Variants in ARHGEF33 observed in about 807,000 individuals in gnomAD.
ARHGEF33 encodes Rho guanine nucleotide exchange factor 33, also known as DH and coiled-coil domain-containing protein ENSP00000381780.
A neutral mutation model predicts 101.9 loss-of-function variants in ARHGEF33; 72 were observed. The ratio of observed to expected loss-of-function variants is 0.71; its 90% CI spans 0.58 to 0.86. The LOEUF (loss-of-function observed/expected upper bound fraction) is 0.86. Among genes scored for constraint, ARHGEF33 ranks in the 40% least tolerant of loss-of-function variants. The probability of loss-of-function intolerance (pLI) is 0.00; values close to 1 mark genes in which losing one functional copy is unlikely to be tolerated. For missense variants in ARHGEF33, 1,169 were observed against 1,111.3 expected (o/e 1.05, Z -0.74); for synonymous variants, 499 against 442.5 (o/e 1.13, Z -1.60).
intron 16 of ARHGEF33, among the ~76,000 whole-genome samples, chr2:38,965,598 A>G (rs1356346037): frequency 6.6e-6 from 1 of 152,214 alleles, no homozygotes. Context: ...TAGAAAGAGA[A>G]ACACCTGGAG....
chr2:38,960,246 C>T lies in ARHGEF33; in HGVS notation c.1941C>T (p.Ser647=). The change falls in exon 16 of 18, where the codon TCC becomes TCT. Residue 647 remains serine, a synonymous_variant. Coordinates refer to ENST00000409978, the MANE Select transcript of ARHGEF33 (RefSeq NM_001145451.5). ...TCTTCGAGAACTGCTCGCCTGCCTCCTCCGAGTCCAGCCTGGACATCTGCT... is the reference window on the plus strand; with the variant it reads ...TCTTCGAGAACTGCTCGCCTGCCTCTTCCGAGTCCAGCCTGGACATCTGCT... The part of the protein sequence containing the change: ...PALFENCSPA[S]SESSLDICFL... 2 of 1,548,210 alleles carry T rather than the reference C, an allele frequency of 1.3e-6. No homozygotes were observed. Among genetic ancestry groups the T allele is most frequent in the Non-Finnish European group, 1.7e-6 (2 of 1,146,162 alleles).
rs1667897760 is a variant in ARHGEF33 at position 38,960,483 on chromosome 2, C to T, written c.2178C>T (p.Tyr726=). 2.1e-6 allele frequency: 3 copies of T among 1,408,132 alleles called. No homozygotes were observed. Among genetic ancestry groups the T allele is most frequent in the African/African-American group, 1.5e-5 (1 of 65,894 alleles). 87.2% of individuals were successfully genotyped at this position (1,408,132 alleles called of 1,614,324 possible). A position where few individuals can be genotyped will look rare whatever the true frequency, so the allele number is the denominator to read the frequency against. ...PPADGVAPRL[Y]STRSSSGGRA... ...CCGACGGCGTGGCCCCACGCCTCTA[C>T]AGCACGCGCAGCAGCAGCGGCGGCC... Residue 726 remains tyrosine (Y), a synonymous_variant, in exon 16 of 18, where the codon TAC becomes TAT. Transcript: ENST00000409978.
intron 13 of ARHGEF33, among the ~76,000 whole-genome samples, chr2:38,955,114 C>T (rs1312131055): frequency 6.6e-6 from 1 of 152,186 alleles, no homozygotes; most frequent in Non-Finnish European, 1.5e-5. Context: ...AATGCCACCA[C>T]CTGACATCTA....
chr2:38,937,345 A>G lies in ARHGEF33; in HGVS notation c.576A>G (p.Pro192=). 1 of 943,678 alleles carries G rather than the reference A, an allele frequency of 1.1e-6. No individual in the cohort carries two copies. Among genetic ancestry groups the G allele is most frequent in the Non-Finnish European group, 1.5e-6 (1 of 673,596 alleles). 58.5% of individuals were successfully genotyped at this position (943,678 alleles called of 1,614,324 possible). A position where few individuals can be genotyped will look rare whatever the true frequency, so the allele number is the denominator to read the frequency against. ...VKGMMGPGVN[P]TTPEAEENLK... ...CCCCCACCCCACCAGGAGTGAACCC[A>G]ACAACTCCAGAAGCAGAAGAAAACC... is the stretch of plus-strand genomic sequence containing the variant. The change falls in exon 9 of 18, where the codon CCA becomes CCG. Residue 192 remains proline, a synonymous_variant. Transcript: ENST00000409978.
intron 9 of ARHGEF33, among the ~76,000 whole-genome samples, chr2:38,938,437 T>G (rs1266124643): frequency 2.6e-5 from 4 of 152,092 alleles, no homozygotes; most frequent in Middle Eastern, 3.4e-3. Context: ...TACATGGGAG[T>G]CCAAGGTAGG....
At chr2:38,914,321 G>T (rs1458278070) in intron 2 of ARHGEF33, among the ~76,000 whole-genome samples, 1 of 152,194 alleles carries the variant, frequency 6.6e-6, no homozygotes, top group Non-Finnish European at 1.5e-5. Flanking sequence ...CATCAGTGGA[G>T]AAATGATTAA....
intron 4 of ARHGEF33, among the ~76,000 whole-genome samples, chr2:38,925,966 A>T (rs903089305): frequency 6.6e-6 from 1 of 152,238 alleles, no homozygotes; most frequent in Non-Finnish European, 1.5e-5. Context: ...GAAAAAAAAA[A>T]TTGGAAGACA....
In ARHGEF33 at chr2:38,974,042, T is replaced by C. The variant is rs949416335; in HGVS notation, c.*199T>C. 3.8e-6 allele frequency: 1 copy of C among 263,610 alleles called. No homozygotes were observed. Among genetic ancestry groups the C allele is most frequent in the African/African-American group, 2.3e-5 (1 of 43,752 alleles). The allele number at this position is 263,610 out of a possible 1,614,324, so 16.3% of individuals were successfully genotyped here. A position where few individuals can be genotyped will look rare whatever the true frequency, so the allele number is the denominator to read the frequency against. On this transcript the variant is annotated 3_prime_UTR_variant, in exon 18 of 18. Coordinates refer to ENST00000409978, the MANE Select transcript of ARHGEF33 (RefSeq NM_001145451.5). ...GAAGAGATGAAGATTAGTTTCTGGTTAAGATCTGGCTTTTTGAACCTCAAC... is the reference window on the plus strand; with the variant it reads ...GAAGAGATGAAGATTAGTTTCTGGTCAAGATCTGGCTTTTTGAACCTCAAC...
intron 10 of ARHGEF33, among the ~76,000 whole-genome samples, chr2:38,946,303 T>A (rs988737665): frequency 1.3e-5 from 2 of 152,138 alleles, no homozygotes; most frequent in African/African-American, 4.8e-5. Context: ...AAGGAGTAGA[T>A]CTCTCCCTCA....
intron 16 of ARHGEF33, among the ~76,000 whole-genome samples, chr2:38,962,543 C>T (rs1425628394): frequency 6.6e-6 from 1 of 152,112 alleles, no homozygotes; most frequent in Admixed American, 6.6e-5. Flanking sequence ...AGTTTCATCT[C>T]CTAACAGTGT....
intron 6 of ARHGEF33, among the ~76,000 whole-genome samples, chr2:38,930,749 C>CA (rs1666980387): frequency 6.6e-6 from 1 of 152,182 alleles, no homozygotes; most frequent in East Asian, 1.9e-4. Context: ...CCTGCTGCTT[C>CA]CTGATACTTT....
intron 13 of ARHGEF33, among the ~76,000 whole-genome samples, chr2:38,955,481 C>CTTTTTTTTTTTTTTTTTTTTTTTT (rs3085350): frequency 1.4e-5 from 1 of 71,186 alleles, no homozygotes; most frequent in Non-Finnish European, 2.4e-5. Flanking sequence ...ATTGAAAAGA[C>CTTTTTTTTTTTTTTTTTTTTTTTT]TTTTTTTTTT....
At chr2:38,951,157 A>G in intron 11 of ARHGEF33, 36 bp downstream of exon 11, 2 of 1,544,144 alleles carry the variant, frequency 1.3e-6, no homozygotes, top group Non-Finnish European at 8.8e-7. Flanking sequence ...CATTTTACTT[A>G]TACGGATTTG....
chr2:38,961,144 C>T (rs1043689286), intron 16 of ARHGEF33, among the ~76,000 whole-genome samples: 1 of 152,216 alleles, frequency 6.6e-6, no homozygotes, highest in African/African-American at 2.4e-5. Context: ...TTCCCGGCAG[C>T]ATTCTTGCTT....
chr2:38,946,365 A>AAT (rs1667450697), intron 10 of ARHGEF33, among the ~76,000 whole-genome samples: 1 of 152,222 alleles, frequency 6.6e-6, no homozygotes, highest in Admixed American at 6.5e-5. Context: ...CTATGAAAGT[A>AAT]AGATCATAGT....
intron 16 of ARHGEF33, among the ~76,000 whole-genome samples, chr2:38,963,186 T>C (rs1667984661): frequency 6.6e-6 from 1 of 151,988 alleles, no homozygotes; most frequent in South Asian, 2.1e-4. Context: ...GTGTTGGAGG[T>C]GATGGTGGAA....
In ARHGEF33 at chr2:38,951,091, A is replaced by G; in HGVS notation, c.1023A>G (p.Gly341=). 6.4e-7 allele frequency: 1 copy of G among 1,551,802 alleles called. No homozygotes were observed. The change falls in exon 11 of 18, where the codon GGA becomes GGG. Residue 341 remains glycine (G), a synonymous_variant. Transcript: ENST00000409978. ...AGTGGCCACGCCAAGGCGTTCTTGG[A>G]GATTTATTCCTTAAGTTAACAAATG... is the stretch of plus-strand genomic sequence containing the variant. ...VLKWPRQGVL[G]DLFLKLTNDE... is the part of the protein sequence containing the mutation.
chr2:38,940,176 C>A (rs1667267381), intron 9 of ARHGEF33, among the ~76,000 whole-genome samples: 1 of 152,176 alleles, frequency 6.6e-6, no homozygotes, highest in Admixed American at 6.5e-5. Context: ...AGTATTGAGT[C>A]TTCCATTTAA....
In ARHGEF33 at chr2:38,926,953, A is replaced by G. The variant is rs569357077; in HGVS notation, c.76-1954A>G. On this transcript the variant is annotated intron_variant, in intron 4 of 17. Coordinates refer to ENST00000409978, the MANE Select transcript of ARHGEF33 (RefSeq NM_001145451.5). ...ATTTTGTTTATTTTGCTCACAGAAG[A>G]TACATTTACATAATGAAAAATTACC... 2.6e-5 allele frequency among the ~76,000 whole-genome samples: 4 copies of G among 152,322 alleles called. No homozygotes were observed. In the South Asian group the frequency reaches 8.3e-4, roughly 32 times the overall value.
Sources: allele counts gnomAD v4.1 joint callset (sites outside exome capture counted in the v4.1 genomes callset), GRCh38; gene constraint gnomAD v4.1.1; transcripts MANE v1.5; gene names NCBI Gene and HGNC (gene_info 2026-07-23, HGNC 2026-07-21).